The following GORAB variants were observed in gnomAD, a reference collection of about 807,000 sequenced individuals.
GORAB encodes golgin, RAB6 interacting.
A neutral mutation model predicts 29.9 loss-of-function variants in GORAB; 17 were observed. The ratio of observed to expected loss-of-function variants is 0.57; its 90% CI spans 0.39 to 0.85. The LOEUF is 0.85. Ranked by LOEUF, GORAB falls within the 40% of genes least tolerant of loss-of-function variation. The pLI, the probability that GORAB is intolerant of heterozygous loss-of-function variation, is 0.00. For synonymous variants in GORAB, 183 were observed against 157.2 expected, an observed-to-expected ratio of 1.16 and a Z score of -1.23; for missense variants, 442 against 437.8, an observed-to-expected ratio of 1.01 and a Z score of -0.09.
Position 170,552,606 on chromosome 1 carries a change from G to C in GORAB, c.*144G>C. 2 of 781,558 alleles carry C rather than the reference G, an allele frequency of 2.6e-6. No individual in the cohort carries two copies. Among genetic ancestry groups the C allele is most frequent in the Admixed American group, 3.9e-5 (2 of 50,744 alleles). 48.4% of individuals were successfully genotyped at this position (781,558 alleles called of 1,614,324 possible). On this transcript the variant is annotated 3_prime_UTR_variant, in exon 5 of 5. Coordinates refer to ENST00000367763, the MANE Select transcript of GORAB (RefSeq NM_152281.3). ...TTAGTTTTAGTAAATTAATAGGTTT[G>C]GCCATTCTAAAATCCAAAATTATGA...
At chr1:170,549,460 C>G (rs954011836) in intron 4 of GORAB, among the ~76,000 whole-genome samples, 2 of 152,140 alleles carry the variant, frequency 1.3e-5, no homozygotes, top group Non-Finnish European at 2.9e-5. Context: ...GGGACCTGTT[C>G]GCAAATGTTA....
At chr1:170,542,798 T>C (rs1649516278) in intron 3 of GORAB, among the ~76,000 whole-genome samples, 1 of 152,232 alleles carries the variant, frequency 6.6e-6, no homozygotes, top group Non-Finnish European at 1.5e-5. Context: ...GCATAGAGCA[T>C]ATTAAATTTG....
rs181877361 is a variant in GORAB at position 170,547,826 on chromosome 1, T to C, written c.662+2981T>C. On this transcript the variant is annotated intron_variant, in intron 4 of 4. Coordinates refer to ENST00000367763, the MANE Select transcript of GORAB (RefSeq NM_152281.3). ...GTCTAGATACTTGTAAAATATTGGG[T>C]GTATGTTCTCCCTGCTGAAATGATT... 3.0e-4 allele frequency among the ~76,000 whole-genome samples: 45 copies of C among 152,296 alleles called. No homozygotes were observed. The East Asian group carries it at 8.5e-3, about 29-fold the overall frequency.
chr1:170,541,341 CAGCAAG>C (rs1649411815), intron 2 of GORAB, among the ~76,000 whole-genome samples: 2 of 151,734 alleles, frequency 1.3e-5, no homozygotes, highest in African/African-American at 4.8e-5. Flanking sequence ...TTCACTAATG[CAGCAAG>C]TTACCATGAA....
rs1390311835 is a variant in GORAB at position 170,552,968 on chromosome 1, C to G, written c.*506C>G. 1 of 452,736 alleles carries G rather than the reference C, an allele frequency of 2.2e-6. No homozygotes were observed. The highest frequency in any genetic ancestry group is 4.4e-6 in the Non-Finnish European group (1 of 226,452). The allele number at this position is 452,736 out of a possible 1,614,324, so 28.0% of individuals were successfully genotyped here. A position where few individuals can be genotyped will look rare whatever the true frequency, so the allele number is the denominator to read the frequency against. On this transcript the variant is annotated 3_prime_UTR_variant, in exon 5 of 5. Transcript: ENST00000367763. ...GGTTGAATTATCTATCTGGATATTA[C>G]TAGAGTTGTAAAACACAACTTGGAA...
intron 1 of GORAB, 139 bp downstream of exon 1, chr1:170,532,423 TA>T (rs1018373716): frequency 3.4e-5 from 31 of 922,270 alleles, no homozygotes; most frequent in African/African-American, 4.8e-5. Context: ...TGGACTGGAT[TA>T]GGGGGTTTCA....
chr1:170,539,927 A>G (rs1403075541), intron 2 of GORAB, among the ~76,000 whole-genome samples: 1 of 151,698 alleles, frequency 6.6e-6, no homozygotes, highest in Admixed American at 6.6e-5. Context: ...TCCAAAGTTT[A>G]TGCCTTTTAC....
At chr1:170,544,949 C>T in intron 4 of GORAB, 104 bp downstream of exon 4, 1 of 1,519,970 alleles carries the variant, frequency 6.6e-7, no homozygotes, top group Non-Finnish European at 8.9e-7. Flanking sequence ...AGCCTCAAAA[C>T]AACCCCATTC....
chr1:170,544,905 C>T, intron 4 of GORAB, 60 bp downstream of exon 4: 1 of 1,577,252 alleles, frequency 6.3e-7, no homozygotes, highest in South Asian at 1.1e-5. Flanking sequence ...TTATTGCCAG[C>T]TGTTCCAGGG....
Position 170,552,031 on chromosome 1 carries a change from G to T in GORAB, c.679G>T (p.Ala227Ser). The change falls in exon 5 of 5, where the codon GCT becomes TCT. Residue 227 changes from alanine to serine, a missense_variant. By Grantham distance (99) the Ala-to-Ser change is moderately conservative. Transcript: ENST00000367763. The stretch of plus-strand genomic sequence containing the variant: ...TCCTTACAGGAAGCGGTTTGACAGG[G>T]CTGAAGCAGAGTACATTGCAGCAAA... ...YSYARKRFDR[A>S]EAEYIAAKLD... 2 of 1,613,888 alleles carry T rather than the reference G, an allele frequency of 1.2e-6. No homozygotes were observed. Among genetic ancestry groups the T allele is most frequent in the South Asian group, 2.2e-5 (2 of 91,026 alleles).
At chr1:170,533,793 A>C in intron 1 of GORAB, 1 of 257,570 alleles carries the variant, frequency 3.9e-6, no homozygotes, top group East Asian at 7.7e-5. Context: ...GTGGAAACCA[A>C]ATCGCTAGTC....
intron 4 of GORAB, among the ~76,000 whole-genome samples, chr1:170,547,320 A>C (rs1558009675): frequency 6.6e-6 from 1 of 152,146 alleles, no homozygotes; most frequent in Non-Finnish European, 1.5e-5. Flanking sequence ...AACTTGCTTT[A>C]AAATTGGCTT....
Position 170,539,466 on chromosome 1 carries a change from G to A in GORAB, c.318G>A (p.Gln106=). 6.2e-7 allele frequency: 1 copy of A among 1,614,072 alleles called. No individual in the cohort carries two copies. The highest frequency in any genetic ancestry group is 8.5e-7 in the Non-Finnish European group (1 of 1,179,968). ...GDGQPQGIES[Q]PKELGLENSH... is the part of the protein sequence containing the mutation. ...GACAACCACAGGGCATTGAAAGTCA[G>A]CCAAAGGAACTGGGACTTGAGAATT... Residue 106 remains glutamine (Q), a synonymous_variant, in exon 2 of 5, where the codon CAG becomes CAA. Coordinates refer to ENST00000367763, the MANE Select transcript of GORAB (RefSeq NM_152281.3).
chr1:170,548,516 A>G (rs138362585), intron 4 of GORAB, among the ~76,000 whole-genome samples: 2,334 of 152,326 alleles, frequency 0.015, 44 homozygotes, highest in Middle Eastern at 0.024. Flanking sequence ...AACAGTGGCA[A>G]GATGTCTTCC....
At chr1:170,546,842 C>A (rs1484733256) in intron 4 of GORAB, among the ~76,000 whole-genome samples, 1 of 152,060 alleles carries the variant, frequency 6.6e-6, no homozygotes, top group Non-Finnish European at 1.5e-5. Flanking sequence ...CACCACCACA[C>A]CTGGCTAATT....
chr1:170,543,942 ATGT>A (rs1649599118), intron 3 of GORAB, among the ~76,000 whole-genome samples: 1 of 152,230 alleles, frequency 6.6e-6, no homozygotes, highest in Non-Finnish European at 1.5e-5. Context: ...AGAATGTGCT[ATGT>A]AACATGGTGG....
In GORAB at chr1:170,539,252, GACA is replaced by G. The variant is rs1214690891; in HGVS notation, c.110_112del (p.Gln37del). On this transcript the variant is annotated inframe_deletion, in exon 2 of 5. Coordinates refer to ENST00000367763, the MANE Select transcript of GORAB (RefSeq NM_152281.3). The stretch of plus-strand genomic sequence containing the variant: ...CGACGTCTCCCCGCGAAGAAAAGTC[GACA>G]ACAACTTCAGCGAGAAAAAGCCCTT... The G allele has an allele frequency of 6.2e-7, 1 of 1,613,934 alleles. No homozygotes were observed. Among genetic ancestry groups the G allele is most frequent in the African/African-American group, 1.3e-5 (1 of 74,882 alleles).
At position 170,550,632 on chromosome 1, in the gene GORAB, A is replaced by T. The variant is rs73029149; in HGVS notation, c.663-1383A>T. ...GAGTTTTCTAAAATGAAAGCCATTT[A>T]TTATTTTCACTGTATTTTCTTCCAA... On this transcript the variant is annotated intron_variant, in intron 4 of 4. Coordinates refer to ENST00000367763, the MANE Select transcript of GORAB (RefSeq NM_152281.3). Among the ~76,000 whole-genome samples the T allele has an allele frequency of 5.0e-3, 757 of 152,342 alleles. 8 individuals are homozygous for T. The highest frequency in any genetic ancestry group is 0.017 in the African/African-American group (718 of 41,578).
intron 1 of GORAB, among the ~76,000 whole-genome samples, chr1:170,535,758 A>G (rs780238907): frequency 1.3e-5 from 2 of 151,292 alleles, no homozygotes; most frequent in African/African-American, 2.4e-5. Flanking sequence ...GGATCTTGCT[A>G]TTTTGCCTAG....
Sources: gnomAD v4.1 joint callset for allele counts (sites outside exome capture counted in the v4.1 genomes callset) on GRCh38, gnomAD v4.1.1 for gene constraint, MANE v1.5 for transcripts, NCBI Gene and HGNC (gene_info 2026-07-23, HGNC 2026-07-21) for gene names.